Variants in CCSER1 observed in about 807,000 individuals in gnomAD.
CCSER1 encodes the protein coiled-coil serine rich protein 1, also known as serine-rich coiled-coil domain-containing protein 1.
Under a neutral mutation model 82.0 loss-of-function variants are expected in CCSER1, and 41 were observed. That is an observed-to-expected ratio of 0.50 (90% CI 0.39 to 0.65). The LOEUF (loss-of-function observed/expected upper bound fraction) is 0.65. CCSER1 is among the 30% of genes least tolerant of loss of function. The pLI is 0.00. For synonymous variants in CCSER1, 414 were observed against 383.9 expected (o/e 1.08, Z -0.92); for missense variants, 1,119 against 1,064.2 (o/e 1.05, Z -0.72).
At chr4:90,537,991 A>G (rs1028978335) in intron 5 of CCSER1, among the ~76,000 whole-genome samples, 3 of 152,072 alleles carry the variant, frequency 2.0e-5, no homozygotes, top group Non-Finnish European at 4.4e-5. Context: ...TCTTTAAATC[A>G]TGTCTGCCTT....
At chr4:91,433,609 T>C (rs981155082) in intron 10 of CCSER1, among the ~76,000 whole-genome samples, 12 of 152,238 alleles carry the variant, frequency 7.9e-5, no homozygotes, top group Non-Finnish European at 1.3e-4. Context: ...CAGTATTCTG[T>C]TAAAATTGCC....
intron 5 of CCSER1, among the ~76,000 whole-genome samples, chr4:90,567,378 C>T (rs1779531959): frequency 1.3e-5 from 2 of 151,652 alleles, no homozygotes; most frequent in Non-Finnish European, 2.9e-5. Flanking sequence ...GCAACCTCCG[C>T]CTTCCAGGTT....
At chr4:91,224,906 A>G (rs191943626) in intron 10 of CCSER1, among the ~76,000 whole-genome samples, 123 of 151,880 alleles carry the variant, frequency 8.1e-4, no homozygotes, top group African/African-American at 2.7e-3. Flanking sequence ...AAGAATGAAA[A>G]AATGTGTATT....
intron 1 of CCSER1, among the ~76,000 whole-genome samples, chr4:90,226,963 G>C (rs1743281099): frequency 6.6e-6 from 1 of 152,230 alleles, no homozygotes; most frequent in African/African-American, 2.4e-5. Context: ...ACATGGGTTA[G>C]TCAAGACAGT....
At chr4:90,480,999 C>T (rs1427329458) in intron 5 of CCSER1, among the ~76,000 whole-genome samples, 2 of 152,120 alleles carry the variant, frequency 1.3e-5, no homozygotes, top group Admixed American at 1.3e-4. Context: ...ATTGATTCTT[C>T]CTATCCATGA....
At chr4:90,427,911 C>G (rs1046914893) in intron 4 of CCSER1, among the ~76,000 whole-genome samples, 3 of 151,788 alleles carry the variant, frequency 2.0e-5, no homozygotes, top group African/African-American at 7.2e-5. Context: ...CCATCAGGAA[C>G]AGAAACTCAT....
At chr4:90,944,260 C>G (rs1022320733) in intron 9 of CCSER1, among the ~76,000 whole-genome samples, 1 of 151,050 alleles carries the variant, frequency 6.6e-6, no homozygotes, top group Admixed American at 6.6e-5. Flanking sequence ...TGAAAAATAC[C>G]TAGTAGAATG....
chr4:90,566,816 A>T (rs1181624187), intron 5 of CCSER1, among the ~76,000 whole-genome samples: 3 of 151,704 alleles, frequency 2.0e-5, no homozygotes, highest in Non-Finnish European at 4.4e-5. Flanking sequence ...GTTAGCCAGG[A>T]TGTTCTCAAT....
chr4:90,573,810 T>C (rs1780392157), intron 5 of CCSER1, among the ~76,000 whole-genome samples: 1 of 152,192 alleles, frequency 6.6e-6, no homozygotes, highest in African/African-American at 2.4e-5. Flanking sequence ...AATTGACAAA[T>C]AAAGCACCTG....
intron 4 of CCSER1, among the ~76,000 whole-genome samples, chr4:90,404,649 A>G (rs924302652): frequency 5.9e-5 from 9 of 152,210 alleles, no homozygotes; most frequent in African/African-American, 2.2e-4. Flanking sequence ...AGGTGCTAGT[A>G]TCCAGGTCTG....
chr4:91,402,421 G>T (rs1373639619), intron 10 of CCSER1, among the ~76,000 whole-genome samples: 3 of 152,102 alleles, frequency 2.0e-5, no homozygotes, highest in Non-Finnish European at 4.4e-5. Context: ...TGTCTATTTT[G>T]GCTTTTGTTG....
chr4:90,866,952 A>G (rs1266020366), intron 8 of CCSER1, among the ~76,000 whole-genome samples: 2 of 152,070 alleles, frequency 1.3e-5, no homozygotes, highest in Non-Finnish European at 2.9e-5. Flanking sequence ...CTCAGGCAGT[A>G]ATAACCCCTT....
intron 9 of CCSER1, among the ~76,000 whole-genome samples, chr4:90,933,404 G>T (rs1730507981): frequency 6.6e-6 from 1 of 151,568 alleles, no homozygotes; most frequent in Admixed American, 6.6e-5. Flanking sequence ...AGCCAGGATG[G>T]TCTCAATCTC....
At chr4:90,512,800 G>C (rs966550585) in intron 5 of CCSER1, among the ~76,000 whole-genome samples, 1 of 151,986 alleles carries the variant, frequency 6.6e-6, no homozygotes, top group Non-Finnish European at 1.5e-5. Context: ...ATTGCAATAA[G>C]TCATTATAGT....
intron 4 of CCSER1, among the ~76,000 whole-genome samples, chr4:90,441,394 G>T (rs1336518977): frequency 6.6e-6 from 1 of 152,084 alleles, no homozygotes; most frequent in African/African-American, 2.4e-5. Context: ...GCTGCTAAAG[G>T]CTGTCTTCCT....
At chr4:90,534,474 TG>T (rs1775047550) in intron 5 of CCSER1, among the ~76,000 whole-genome samples, 2 of 150,994 alleles carry the variant, frequency 1.3e-5, no homozygotes, top group Admixed American at 1.3e-4. Context: ...TGTGTGTGTG[TG>T]TGTGTGTGTG....
chr4:91,556,604 AT>A (rs1762417954), intron 10 of CCSER1, among the ~76,000 whole-genome samples: 1 of 151,104 alleles, frequency 6.6e-6, no homozygotes, highest in African/African-American at 2.4e-5. Context: ...CAGATTATAA[AT>A]TAATAATTAC....
chr4:90,798,569 C>T (rs1183222354), intron 7 of CCSER1, among the ~76,000 whole-genome samples: 2 of 152,162 alleles, frequency 1.3e-5, no homozygotes, highest in Admixed American at 1.3e-4. Flanking sequence ...TTTGGGTTGA[C>T]ACAGTTCTTG....
At chr4:91,293,994 C>T (rs1743969978) in intron 10 of CCSER1, among the ~76,000 whole-genome samples, 1 of 150,768 alleles carries the variant, frequency 6.6e-6, no homozygotes, top group South Asian at 2.1e-4. Flanking sequence ...CCCCAGCCCT[C>T]TTTTTTTTTA....
Sources: gnomAD v4.1 joint callset for allele counts (sites outside exome capture counted in the v4.1 genomes callset) on GRCh38, gnomAD v4.1.1 for gene constraint, MANE v1.5 for transcripts, NCBI Gene and HGNC (gene_info 2026-07-23, HGNC 2026-07-21) for gene names.